The following CLEC16A variants were observed in gnomAD, a reference collection of about 807,000 sequenced individuals.
CLEC16A encodes protein CLEC16A.
Under a neutral mutation model 109.5 loss-of-function variants are expected in CLEC16A, and 51 were observed. That is an observed-to-expected ratio of 0.47 (90% CI 0.37 to 0.59). CLEC16A has a LOEUF of 0.59. Among genes scored for constraint, CLEC16A ranks in the 20% least tolerant of loss-of-function variants. The pLI, the probability that CLEC16A is intolerant of heterozygous loss-of-function variation, is 0.00. For missense variants in CLEC16A, 1,339 were observed against 1,394.0 expected, an observed-to-expected ratio of 0.96 and a Z score of 0.63; for synonymous variants, 673 against 564.2, an observed-to-expected ratio of 1.19 and a Z score of -2.73.
chr16:11,122,416 A>G (rs1407161143), intron 20 of CLEC16A, among the ~76,000 whole-genome samples: 2 of 152,208 alleles, frequency 1.3e-5, no homozygotes, highest in Non-Finnish European at 2.9e-5. Flanking sequence ...GTGTCAGGCA[A>G]GTGTTTTTCT....
chr16:11,027,665 C>G, intron 13 of CLEC16A: 1 of 1,550,598 alleles, frequency 6.4e-7, no homozygotes, highest in Admixed American at 1.7e-5. Flanking sequence ...TCTCAGTGGC[C>G]CATCATGCTA....
chr16:11,048,526 C>T, intron 17 of CLEC16A: 1 of 152,332 alleles, frequency 6.6e-6, no homozygotes, highest in Non-Finnish European at 1.5e-5. Flanking sequence ...AAGAAAAAGG[C>T]AGCGTGCACT....
At chr16:11,020,540 C>T (rs560958985) in intron 12 of CLEC16A, among the ~76,000 whole-genome samples, 10 of 128,054 alleles carry the variant, frequency 7.8e-5, no homozygotes, top group South Asian at 2.4e-4. Context: ...CAAAGAGATT[C>T]GCCAGGATAG....
At chr16:11,023,453 G>T (rs2046235406) in intron 12 of CLEC16A, among the ~76,000 whole-genome samples, 1 of 152,162 alleles carries the variant, frequency 6.6e-6, no homozygotes, top group African/African-American at 2.4e-5. Flanking sequence ...ATCTACACAT[G>T]GCAAAACTAT....
intron 19 of CLEC16A, among the ~76,000 whole-genome samples, chr16:11,084,886 T>C (rs770036647): frequency 5.3e-5 from 8 of 152,174 alleles, no homozygotes; most frequent in Non-Finnish European, 8.8e-5. Context: ...AAAATTAATA[T>C]GGTGCCATCA....
At chr16:11,134,809 G>A (rs1185197138) in intron 22 of CLEC16A, among the ~76,000 whole-genome samples, 1 of 152,244 alleles carries the variant, frequency 6.6e-6, no homozygotes, top group Non-Finnish European at 1.5e-5. Context: ...CAGAATGTCA[G>A]AGATCAGTAG....
intron 19 of CLEC16A, among the ~76,000 whole-genome samples, chr16:11,063,955 G>T (rs910349250): frequency 6.6e-6 from 1 of 151,464 alleles, no homozygotes; most frequent in African/African-American, 2.4e-5. Context: ...GTGGAAGGAA[G>T]TTGAAGGGAA....
intron 22 of CLEC16A, chr16:11,156,585 G>A (rs2054531171): frequency 7.7e-7 from 1 of 1,304,204 alleles, no homozygotes; most frequent in South Asian, 1.2e-5. Context: ...CCTGCTGACT[G>A]CCGCAGTAGA....
chr16:11,115,740 A>G (rs1408062286), intron 19 of CLEC16A, among the ~76,000 whole-genome samples: 3 of 152,172 alleles, frequency 2.0e-5, no homozygotes, highest in Non-Finnish European at 1.5e-5. Context: ...AAGAATGAAT[A>G]TGATGACTTC....
chr16:11,115,969 C>T (rs2051957780), intron 19 of CLEC16A, among the ~76,000 whole-genome samples: 1 of 151,912 alleles, frequency 6.6e-6, no homozygotes, highest in Non-Finnish European at 1.5e-5. Context: ...CCTTGGCCTC[C>T]CATAGTGCTG....
chr16:11,053,016 C>T (rs1460010077), intron 18 of CLEC16A, among the ~76,000 whole-genome samples: 1 of 152,058 alleles, frequency 6.6e-6, no homozygotes, highest in East Asian at 1.9e-4. Flanking sequence ...ACCTCAGCGT[C>T]GGTAGCTGGA....
At chr16:11,069,814 G>C (rs532263753) in intron 19 of CLEC16A, among the ~76,000 whole-genome samples, 233 of 151,066 alleles carry the variant, frequency 1.5e-3, no homozygotes, top group African/African-American at 5.4e-3. Flanking sequence ...AAACAGTACA[G>C]CATAACAACT....
intron 19 of CLEC16A, among the ~76,000 whole-genome samples, chr16:11,114,322 A>C (rs2051820727): frequency 6.6e-6 from 1 of 152,100 alleles, no homozygotes; most frequent in East Asian, 1.9e-4. Context: ...TAATTTTCTT[A>C]ATAGAATCCT....
chr16:11,038,465 G>A (rs541054618), intron 13 of CLEC16A, among the ~76,000 whole-genome samples: 31 of 152,312 alleles, frequency 2.0e-4, no homozygotes, highest in African/African-American at 7.5e-4. Flanking sequence ...CAGATAAGGA[G>A]TTTGAAGACC....
intron 13 of CLEC16A, among the ~76,000 whole-genome samples, chr16:11,038,797 A>G (rs2047163809): frequency 6.6e-6 from 1 of 152,066 alleles, no homozygotes; most frequent in Admixed American, 6.5e-5. Context: ...TTTTAATGGC[A>G]AAAACTGCAA....
At chr16:11,054,903 C>G (rs1456491456) in intron 18 of CLEC16A, among the ~76,000 whole-genome samples, 3 of 151,056 alleles carry the variant, frequency 2.0e-5, no homozygotes, top group Admixed American at 2.0e-4. Flanking sequence ...ACATTCCAAG[C>G]TACCCCTTTG....
intron 3 of CLEC16A, among the ~76,000 whole-genome samples, chr16:10,966,613 A>G (rs1456918095): frequency 6.6e-6 from 1 of 152,174 alleles, no homozygotes; most frequent in Non-Finnish European, 1.5e-5. Context: ...ACAGCTCAGC[A>G]CTGCTGGGGA....
intron 19 of CLEC16A, among the ~76,000 whole-genome samples, chr16:11,076,439 G>A (rs931717140): frequency 1.3e-5 from 2 of 152,100 alleles, no homozygotes; most frequent in Non-Finnish European, 2.9e-5. Flanking sequence ...GAGGATTAAC[G>A]TTGAGTTTCA....
chr16:11,150,495 T>G (rs559639802), intron 22 of CLEC16A, among the ~76,000 whole-genome samples: 1 of 152,326 alleles, frequency 6.6e-6, no homozygotes, highest in Non-Finnish European at 1.5e-5. Context: ...AGCGTTGCAG[T>G]GGGCATCCTT....
Sources: gnomAD v4.1 joint callset for allele counts (sites outside exome capture counted in the v4.1 genomes callset) on GRCh38, gnomAD v4.1.1 for gene constraint, MANE v1.5 for transcripts, NCBI Gene and HGNC (gene_info 2026-07-23, HGNC 2026-07-21) for gene names.